Variants in DNMT3A observed in about 807,000 individuals in gnomAD.
DNMT3A encodes the protein DNA (cytosine-5)-methyltransferase 3A.
Under a neutral mutation model 117.6 loss-of-function variants are expected in DNMT3A, and 267 were observed. The observed-to-expected ratio is 2.27, with a 90% CI of 2.05 to 2.51. The LOEUF (loss-of-function observed/expected upper bound fraction) is 2.51. DNMT3A is among the 30% of genes most tolerant of loss of function. The pLI is 0.00. For missense variants in DNMT3A, 1,029 were observed against 1,260.2 expected (o/e 0.82, Z 2.78); for synonymous variants, 432 against 474.8 (o/e 0.91, Z 1.17).
In DNMT3A at chr2:25,254,447, C is replaced by T. The variant is rs1390860099; in HGVS notation, c.640-6195G>A. On this transcript the variant is annotated intron_variant, in intron 6 of 22. Coordinates refer to ENST00000321117, the MANE Select transcript of DNMT3A (RefSeq NM_022552.5). This position sits in a 1 kb window ranked among gnomAD's most constrained non-coding sequence, Gnocchi z 4.7. ...CCCCCCCAACCCTGAGACCCAGAAT[C>T]CATACAGCTAGGAAAAGAAGCTATT... Among the ~76,000 whole-genome samples the T allele has an allele frequency of 2.0e-5, 3 of 152,128 alleles. No individual in the cohort carries two copies. The highest frequency in any genetic ancestry group is 4.4e-5 in the Non-Finnish European group (3 of 68,024).
chr2:25,306,280 T>C lies in DNMT3A; in HGVS notation c.73-6037A>G, dbSNP rs1221403450. On this transcript the variant is annotated intron_variant, in intron 2 of 22. Coordinates refer to ENST00000321117, the MANE Select transcript of DNMT3A (RefSeq NM_022552.5). This position sits in a 1 kb window ranked among gnomAD's most constrained non-coding sequence, Gnocchi z 4.1. Reference sequence around the variant, plus strand: ...TCAGGCAGTGGGCTGGGAATCACTGTAGATGCGCATGGGCCCAGAGCCCTC... The same window carrying C: ...TCAGGCAGTGGGCTGGGAATCACTGCAGATGCGCATGGGCCCAGAGCCCTC... 3.3e-5 allele frequency among the ~76,000 whole-genome samples: 5 copies of C among 152,236 alleles called. No individual in the cohort carries two copies. Among genetic ancestry groups the C allele is most frequent in the Non-Finnish European group, 7.3e-5 (5 of 68,038 alleles).
Position 25,237,357 on chromosome 2 carries a change from C to T in DNMT3A, c.2409-352G>A, listed in dbSNP as rs1673484565. The stretch of plus-strand genomic sequence containing the variant: ...ACACTGAGCTTTAAGCGTCCCACTG[C>T]GAAGCAAGCTTTGGGGGTGACAATG... On this transcript the variant is annotated intron_variant, in intron 20 of 22. Transcript: ENST00000321117. This position sits in a 1 kb window ranked among gnomAD's most constrained non-coding sequence, Gnocchi z 5.4. Among the ~76,000 whole-genome samples the T allele has an allele frequency of 6.6e-6, 1 of 152,198 alleles. No homozygotes were observed. The highest frequency in any genetic ancestry group is 1.5e-5 in the Non-Finnish European group (1 of 68,040).
intron 3 of DNMT3A, among the ~76,000 whole-genome samples, chr2:25,285,689 G>A (rs972477910): frequency 3.9e-5 from 6 of 152,202 alleles, no homozygotes; most frequent in East Asian, 3.8e-4. Context: ...AAAGTGGAAC[G>A]GCAGACCCCT....
At position 25,299,426 on chromosome 2, in the gene DNMT3A, G is replaced by C. The variant is rs186124128; in HGVS notation, c.177+713C>G. Among the ~76,000 whole-genome samples the C allele has an allele frequency of 2.0e-5, 3 of 152,330 alleles. No individual in the cohort carries two copies. The East Asian group carries it at 5.8e-4, about 29-fold the overall frequency. On this transcript the variant is annotated intron_variant, in intron 3 of 22. Coordinates refer to ENST00000321117, the MANE Select transcript of DNMT3A (RefSeq NM_022552.5). ...CCAGGCCTCAGTTCCCTTCCTCCAG[G>C]TGGGGGCTGAGACCCTGGGTGAGAG...
In DNMT3A at chr2:25,298,803, G is replaced by A. The variant is rs1223917405; in HGVS notation, c.177+1336C>T. Among the ~76,000 whole-genome samples, 5 of 152,086 alleles carry A rather than the reference G, an allele frequency of 3.3e-5. No individual in the cohort carries two copies. The highest frequency in any genetic ancestry group is 1.2e-4 in the African/African-American group (5 of 41,396). The stretch of plus-strand genomic sequence containing the variant: ...TCCACGTTTGCTTTAATATTAAAAG[G>A]TTTAAAATTACTTACCAGTAAAATG... On this transcript the variant is annotated intron_variant, in intron 3 of 22. Transcript: ENST00000321117. This position sits in a 1 kb window ranked among gnomAD's most constrained non-coding sequence, Gnocchi z 4.3.
intron 1 of DNMT3A, among the ~76,000 whole-genome samples, chr2:25,340,466 G>C (rs955158098): frequency 6.6e-6 from 1 of 152,096 alleles, no homozygotes; most frequent in Non-Finnish European, 1.5e-5. Flanking sequence ...TGAGGGGCTG[G>C]GGGAGGCCAG....
Position 25,282,803 on chromosome 2 carries a change from G to T in DNMT3A, c.178-92C>A. 7.1e-7 allele frequency: 1 copy of T among 1,410,114 alleles called. No individual in the cohort carries two copies. The highest frequency in any genetic ancestry group is 9.4e-7 in the Non-Finnish European group (1 of 1,058,740). 87.4% of individuals were successfully genotyped at this position (1,410,114 alleles called of 1,614,324 possible). ...TGACCGCTCTGAAATTCTAGAGAATGTTATGCACTTTCTGTCCAGAAACTG... is the reference window on the plus strand; with the variant it reads ...TGACCGCTCTGAAATTCTAGAGAATTTTATGCACTTTCTGTCCAGAAACTG... On this transcript the variant is annotated intron_variant, in intron 3 of 22. Transcript: ENST00000321117. This position sits in a 1 kb window ranked among gnomAD's most constrained non-coding sequence, Gnocchi z 5.2.
At chr2:25,248,851 G>A (rs986135288) in intron 6 of DNMT3A, among the ~76,000 whole-genome samples, 3 of 151,870 alleles carry the variant, frequency 2.0e-5, no homozygotes, top group Admixed American at 1.3e-4. Context: ...TCTAGCCTAC[G>A]TTAATGTTTT....
Position 25,314,053 on chromosome 2 carries a change from T to C in DNMT3A, c.-69A>G. ...CTGCTGGGCTTTGGGGAAGGAATTA[T>C]CGTGGTCTTTGGAGGCGAGAGTTAA... On this transcript the variant is annotated 5_prime_UTR_variant, in exon 2 of 23. Transcript: ENST00000321117. 2 of 1,464,106 alleles carry C rather than the reference T, an allele frequency of 1.4e-6. No homozygotes were observed. The highest frequency in any genetic ancestry group is 1.8e-6 in the Non-Finnish European group (2 of 1,109,402). 90.7% of individuals were successfully genotyped at this position (1,464,106 alleles called of 1,614,324 possible). A position where few individuals can be genotyped will look rare whatever the true frequency, so the allele number is the denominator to read the frequency against.
In DNMT3A at chr2:25,286,720, C is replaced by T. The variant is rs2032334996; in HGVS notation, c.178-4009G>A. Reference sequence around the variant, plus strand: ...GTCCCAGTCAAATGGCCTGAAGCAACTGTCCAAGTCTCTGGGGAAGAGCTG... The same window carrying T: ...GTCCCAGTCAAATGGCCTGAAGCAATTGTCCAAGTCTCTGGGGAAGAGCTG... On this transcript the variant is annotated intron_variant, in intron 3 of 22. Transcript: ENST00000321117. The surrounding 1 kb of genome is among the most constrained non-coding windows in gnomAD (Gnocchi z 4.3). 6.6e-6 allele frequency among the ~76,000 whole-genome samples: 1 copy of T among 152,258 alleles called. No homozygotes were observed. The highest frequency in any genetic ancestry group is 1.5e-5 in the Non-Finnish European group (1 of 68,044).
Position 25,257,135 on chromosome 2 carries a change from G to A in DNMT3A, c.640-8883C>T, listed in dbSNP as rs893811030. ...GGTTGCAAGCAAATGACCAGGACTG[G>A]GCTGCTGGCAGTGAAGCTAAAAATA... On this transcript the variant is annotated intron_variant, in intron 6 of 22. Transcript: ENST00000321117. This position sits in a 1 kb window ranked among gnomAD's most constrained non-coding sequence, Gnocchi z 4.8. Among the ~76,000 whole-genome samples, 1 of 152,150 alleles carries A rather than the reference G, an allele frequency of 6.6e-6. No individual in the cohort carries two copies. The highest frequency in any genetic ancestry group is 2.4e-5 in the African/African-American group (1 of 41,422).
chr2:25,241,168 A>G (rs1285927314), intron 17 of DNMT3A, among the ~76,000 whole-genome samples: 2 of 152,220 alleles, frequency 1.3e-5, no homozygotes, highest in African/African-American at 4.8e-5. Context: ...GCTATTTGCC[A>G]AAAGTATTGG....
chr2:25,272,461 C>A (rs1422853486), intron 6 of DNMT3A, among the ~76,000 whole-genome samples: 3 of 152,212 alleles, frequency 2.0e-5, no homozygotes, highest in African/African-American at 7.2e-5. Context: ...TCTGAAAGTT[C>A]TTCCGGTTCC....
chr2:25,341,766 C>G (rs1466651563), intron 1 of DNMT3A, 60 bp downstream of exon 1: 1 of 969,382 alleles, frequency 1.0e-6, no homozygotes, highest in Non-Finnish European at 1.2e-6. Flanking sequence ...CCGCCCGGCT[C>G]CCCGGCTCCC....
At chr2:25,275,196 C>A in intron 5 of DNMT3A, 109 bp from the exon 6 acceptor site, 1 of 1,412,632 alleles carries the variant, frequency 7.1e-7, no homozygotes. Context: ...CCAGAGAGGG[C>A]ACCCCTGGGA....
intron 9 of DNMT3A, 47 bp from the exon 10 acceptor site, chr2:25,246,823 G>C (rs1462763530): frequency 8.7e-6 from 14 of 1,602,248 alleles, no homozygotes; most frequent in Non-Finnish European, 1.2e-5. Context: ...CAGGCTGGAA[G>C]GCAGATGGGT....
intron 2 of DNMT3A, among the ~76,000 whole-genome samples, chr2:25,310,979 G>C (rs911908410): frequency 8.5e-5 from 13 of 152,214 alleles, no homozygotes; most frequent in African/African-American, 3.1e-4. Flanking sequence ...GCCAACTACA[G>C]CCTGGGCTTT....
intron 16 of DNMT3A, 96 bp from the exon 17 acceptor site, chr2:25,241,803 T>C: frequency 6.6e-7 from 1 of 1,504,544 alleles, no homozygotes; most frequent in South Asian, 1.2e-5. Context: ...ACCCATGGGG[T>C]CAGCTGTAGG....
In DNMT3A at chr2:25,228,250, AAAT is replaced by A. The variant is rs1672750494; in HGVS notation, c.*6026_*6028del. ...AAAAAAAAAAAAAAAAAAAAAAAAA[AAAT>A]ACAGTGGTGAAAGGATGCTGGAACC... On this transcript the variant is annotated 3_prime_UTR_variant, in exon 23 of 23. Transcript: ENST00000321117. The A allele has an allele frequency of 7.2e-6, 1 of 139,730 alleles. No individual in the cohort carries two copies. The highest frequency in any genetic ancestry group is 1.5e-5 in the Non-Finnish European group (1 of 64,972). 8.7% of individuals were successfully genotyped at this position (139,730 alleles called of 1,614,324 possible). A position where few individuals can be genotyped will look rare whatever the true frequency, so the allele number is the denominator to read the frequency against.
Sources: allele counts gnomAD v4.1 joint callset (sites outside exome capture counted in the v4.1 genomes callset), GRCh38; gene constraint gnomAD v4.1.1; non-coding constraint Gnocchi (gnomAD v3.1); transcripts MANE v1.5; gene names NCBI Gene and HGNC (gene_info 2026-07-23, HGNC 2026-07-21).